Variants in KBTBD3 observed in about 807,000 individuals in gnomAD.
KBTBD3 encodes kelch repeat and BTB domain-containing protein 3.
A neutral mutation model predicts 49.6 loss-of-function variants in KBTBD3; 38 were observed. The ratio of observed to expected loss-of-function variants is 0.77; its 90% CI spans 0.59 to 1.00. The LOEUF (loss-of-function observed/expected upper bound fraction) is 1.00, where lower values mean the gene tolerates loss of function less well. Ranked by LOEUF, KBTBD3 falls within the 50% of genes least tolerant of loss-of-function variation. The pLI, the probability that KBTBD3 is intolerant of heterozygous loss-of-function variation, is 0.00. For synonymous variants in KBTBD3, 214 were observed against 250.4 expected (o/e 0.85, Z 1.37); for missense variants, 661 against 712.0 (o/e 0.93, Z 0.81).
At chr11:106,069,066 G>A (rs1053659631) in intron 2 of KBTBD3, among the ~76,000 whole-genome samples, 9 of 151,974 alleles carry the variant, frequency 5.9e-5, no homozygotes, top group Admixed American at 2.0e-4. Context: ...TTCTCAACTT[G>A]GTAGAGAAAA....
rs145946615 is a variant in KBTBD3 at position 106,059,040 on chromosome 11, T to C, written c.58A>G (p.Ile20Val). The change falls in exon 3 of 4, where the codon ATT (isoleucine) becomes GTT (valine). Residue 20 changes from isoleucine to valine, a missense_variant. Transcript: ENST00000531837. ...AAGTTGTTTTTCTTCTCAGATGGAA[T>C]TCCATTACATGTGCTTCGTTGATTG... ...AFNQRSTCNG[I>V]PSEKKNNFLV... 36 of 1,556,688 alleles carry C rather than the reference T, an allele frequency of 2.3e-5. No individual in the cohort carries two copies. In the Middle Eastern group the frequency reaches 5.1e-4, roughly 22 times the overall value.
intron 2 of KBTBD3, among the ~76,000 whole-genome samples, chr11:106,065,776 C>T (rs1261517087): frequency 1.3e-5 from 2 of 151,998 alleles, no homozygotes; most frequent in African/African-American, 2.4e-5. Flanking sequence ...GCCTGGCCAA[C>T]ACGGTAAAAC....
intron 2 of KBTBD3, among the ~76,000 whole-genome samples, chr11:106,064,594 G>C (rs182402404): frequency 5.8e-4 from 88 of 151,310 alleles, no homozygotes; most frequent in Admixed American, 3.4e-3. Context: ...TTTATACTAT[G>C]CAAAAGGGCA....
In KBTBD3 at chr11:106,052,649, TA is replaced by T; in HGVS notation, c.*200del. On this transcript the variant is annotated 3_prime_UTR_variant, in exon 4 of 4. Transcript: ENST00000531837. ...CTAAGTATTCTGGATTCCCCAAGGT[TA>T]AATTATATTCAGTATAATTTTTGGT... 2.0e-6 allele frequency: 1 copy of T among 489,934 alleles called. No homozygotes were observed. The highest frequency in any genetic ancestry group is 3.2e-5 in the South Asian group (1 of 30,930). The allele number at this position is 489,934 out of a possible 1,614,324, so 30.3% of individuals were successfully genotyped here.
At chr11:106,061,455 G>A (rs2135007551) in intron 2 of KBTBD3, among the ~76,000 whole-genome samples, 1 of 152,300 alleles carries the variant, frequency 6.6e-6, no homozygotes, top group Middle Eastern at 3.4e-3. Flanking sequence ...GGGACACAGA[G>A]TGCCCACATT....
chr11:106,058,770 G>C (rs1860617078), intron 3 of KBTBD3, 95 bp downstream of exon 3: 1 of 712,060 alleles, frequency 1.4e-6, no homozygotes, highest in Non-Finnish European at 2.3e-6. Flanking sequence ...AAAAATTACT[G>C]TTGCATGTTC....
chr11:106,064,198 G>A (rs1331402173), intron 2 of KBTBD3, among the ~76,000 whole-genome samples: 1 of 151,996 alleles, frequency 6.6e-6, no homozygotes, highest in Admixed American at 6.6e-5. Context: ...AGAATTGGTG[G>A]GAGATTTGTG....
rs1860455352 is a variant in KBTBD3, at chr11:106,053,029, A to G, written c.1660T>C (p.Tyr554His). 6.2e-7 allele frequency: 1 copy of G among 1,613,634 alleles called. No homozygotes were observed. Among genetic ancestry groups the G allele is most frequent in the African/African-American group, 1.3e-5 (1 of 75,010 alleles). ...AGAIGIEDKI[Y>H]ILGGDYAPDE... is the part of the protein sequence containing the mutation. ...GGTGCATAATCACCACCTAATATAT[A>G]AATTTTATCTTCAATTCCAATTGCA... is the stretch of plus-strand genomic sequence containing the variant. Residue 554 changes from tyrosine to histidine, a missense_variant, in exon 4 of 4, where the codon TAT becomes CAT. Coordinates refer to ENST00000531837, the MANE Select transcript of KBTBD3 (RefSeq NM_198439.3).
chr11:106,064,458 C>T (rs1413795392), intron 2 of KBTBD3, among the ~76,000 whole-genome samples: 1 of 151,662 alleles, frequency 6.6e-6, no homozygotes, highest in Non-Finnish European at 1.5e-5. Context: ...CCGAGAGGAT[C>T]GCTTGAGCCT....
chr11:106,077,053 G>A (rs73537638), intron 1 of KBTBD3, among the ~76,000 whole-genome samples: 57 of 152,258 alleles, frequency 3.7e-4, no homozygotes, highest in African/African-American at 1.3e-3. Context: ...GCTAAGGGTC[G>A]GGAGCGTACT....
At chr11:106,062,157 G>C (rs890410675) in intron 2 of KBTBD3, among the ~76,000 whole-genome samples, 1 of 152,030 alleles carries the variant, frequency 6.6e-6, no homozygotes, top group African/African-American at 2.4e-5. Flanking sequence ...TGTGTGTAGT[G>C]TTCTGAGTAA....
At chr11:106,063,072 T>C (rs1245629307) in intron 2 of KBTBD3, among the ~76,000 whole-genome samples, 2 of 152,254 alleles carry the variant, frequency 1.3e-5, no homozygotes, top group African/African-American at 4.8e-5. Context: ...TATAATGTTG[T>C]TAAATAAGAT....
chr11:106,065,736 G>A (rs111365071), intron 2 of KBTBD3, among the ~76,000 whole-genome samples: 12,418 of 152,094 alleles, frequency 0.082, 542 homozygotes, highest in Middle Eastern at 0.15. Flanking sequence ...TGAGGCAGGT[G>A]GATCACCAGA....
At chr11:106,057,513 G>A (rs563247972) in intron 3 of KBTBD3, 1 of 152,338 alleles carries the variant, frequency 6.6e-6, no homozygotes, top group South Asian at 2.1e-4. Context: ...TGACCAAGAA[G>A]CCTCACAGGA....
Position 106,053,144 on chromosome 11 carries a change from G to C in KBTBD3, c.1545C>G (p.Asp515Glu). 6.2e-7 allele frequency: 1 copy of C among 1,613,502 alleles called. No individual in the cohort carries two copies. Among genetic ancestry groups the C allele is most frequent in the Non-Finnish European group, 8.5e-7 (1 of 1,179,718 alleles). ...VPVNCTLYIC[D>E]LSTYKVYSFC... ...AACTATAAACCTTATAGGTGGAAAG[G>C]TCACATATATACAGTGTACAGTTTA... is the stretch of plus-strand genomic sequence containing the variant. Residue 515 changes from aspartate (D) to glutamate (E), a missense_variant, in exon 4 of 4, where the codon GAC becomes GAG. By Grantham distance (45) the Asp-to-Glu change is conservative. Coordinates refer to ENST00000531837, the MANE Select transcript of KBTBD3 (RefSeq NM_198439.3).
At chr11:106,058,151 G>A (rs1307795055) in intron 3 of KBTBD3, 10 of 361,218 alleles carry the variant, frequency 2.8e-5, no homozygotes, top group East Asian at 4.1e-5. Context: ...TTGGGAGGCC[G>A]AAGTGGGCGG....
At chr11:106,068,960 A>T (rs1374952788) in intron 2 of KBTBD3, among the ~76,000 whole-genome samples, 1 of 152,200 alleles carries the variant, frequency 6.6e-6, no homozygotes, top group Non-Finnish European at 1.5e-5. Flanking sequence ...ACACAAGACC[A>T]TATCAACTGA....
chr11:106,057,798 T>C, intron 3 of KBTBD3: 1 of 352,302 alleles, frequency 2.8e-6, no homozygotes. Context: ...AGGATAAATT[T>C]TTAAATCGGT....
chr11:106,064,459 G>A (rs1013990797), intron 2 of KBTBD3, among the ~76,000 whole-genome samples: 4 of 151,784 alleles, frequency 2.6e-5, no homozygotes, highest in South Asian at 2.1e-4. Flanking sequence ...CGAGAGGATC[G>A]CTTGAGCCTG....
Sources: gnomAD v4.1 joint callset for allele counts (sites outside exome capture counted in the v4.1 genomes callset) on GRCh38, gnomAD v4.1.1 for gene constraint, MANE v1.5 for transcripts, NCBI Gene and HGNC (gene_info 2026-07-23, HGNC 2026-07-21) for gene names.